The following PTPRT variants were observed in gnomAD, a reference collection of about 807,000 sequenced individuals.
PTPRT encodes the protein protein tyrosine phosphatase receptor type T, also known as receptor-type tyrosine-protein phosphatase T.
A neutral mutation model predicts 176.8 loss-of-function variants in PTPRT; 56 were observed. The ratio of observed to expected loss-of-function variants is 0.32; its 90% CI spans 0.26 to 0.40. The LOEUF is 0.40. Among genes scored for constraint, PTPRT ranks in the 10% least tolerant of loss-of-function variants. PTPRT has a pLI of 1.00. For synonymous variants in PTPRT, 783 were observed against 739.0 expected, an observed-to-expected ratio of 1.06 and a Z score of -0.96; for missense variants, 1,540 against 1,908.2, an observed-to-expected ratio of 0.81 and a Z score of 3.60.
At chr20:42,110,611 G>T in intron 22 of PTPRT, 124 bp from the exon 23 acceptor site, 1 of 980,030 alleles carries the variant, frequency 1.0e-6, no homozygotes, top group Non-Finnish European at 1.4e-6. Flanking sequence ...CACAGTGTTT[G>T]TTAATAGGTG....
rs372214634 is a variant in PTPRT, at chr20:43,184,213, C to T, written c.88+5433G>A. 1.6e-4 allele frequency among the ~76,000 whole-genome samples: 25 copies of T among 152,328 alleles called. No homozygotes were observed. In the South Asian group the frequency reaches 2.7e-3, roughly 16 times the overall value. On this transcript the variant is annotated intron_variant, in intron 1 of 30. Coordinates refer to ENST00000373187, the MANE Select transcript of PTPRT (RefSeq NM_007050.6). The stretch of plus-strand genomic sequence containing the variant: ...CCAGGGGACGTGTTTGTGTGTCACA[C>T]GCACTTTAGCAGCCTGGCTTCAGTG...
the PTPRT span, among the ~76,000 whole-genome samples, chr20:42,035,531 A>G: frequency 1.3e-5 from 2 of 152,060 alleles, no homozygotes; most frequent in Non-Finnish European, 2.9e-5. Flanking sequence ...GAGCATCCCA[A>G]CAGCCCAGCT....
At position 42,075,425 on chromosome 20, in the gene PTPRT, G is replaced by A. The variant is rs1982677145; in HGVS notation, c.*5454C>T. The stretch of plus-strand genomic sequence containing the variant: ...TGACATGACTTAGGAACAGCGTCCT[G>A]TTCATGCTTCCTCTTGGGCTCACCC... On this transcript the variant is annotated 3_prime_UTR_variant, in exon 31 of 31. Transcript: ENST00000373187. The A allele has an allele frequency of 4.4e-6, 1 of 227,132 alleles. No individual in the cohort carries two copies. Among genetic ancestry groups the A allele is most frequent in the Non-Finnish European group, 8.8e-6 (1 of 114,272 alleles). The allele number at this position is 227,132 out of a possible 1,614,324, so 14.1% of individuals were successfully genotyped here. A position where few individuals can be genotyped will look rare whatever the true frequency, so the allele number is the denominator to read the frequency against.
chr20:42,220,997 G>A (rs2055873709), intron 15 of PTPRT, among the ~76,000 whole-genome samples: 1 of 151,950 alleles, frequency 6.6e-6, no homozygotes, highest in Non-Finnish European at 1.5e-5. Context: ...GAGTTTTTTT[G>A]TTTTCTGTTT....
intron 15 of PTPRT, among the ~76,000 whole-genome samples, chr20:42,221,310 T>C (rs989830644): frequency 3.9e-5 from 6 of 151,980 alleles, no homozygotes; most frequent in African/African-American, 1.5e-4. Flanking sequence ...GGCTAGTTGG[T>C]AGAATTTTTT....
At chr20:42,411,858 AT>A (rs1182033209) in intron 9 of PTPRT, among the ~76,000 whole-genome samples, 6 of 147,936 alleles carry the variant, frequency 4.1e-5, no homozygotes, top group East Asian at 2.0e-4. Flanking sequence ...AAAAAAAAAA[AT>A]AGTATCAGAG....
At chr20:42,637,400 C>G (rs2074628045) in intron 7 of PTPRT, among the ~76,000 whole-genome samples, 1 of 152,144 alleles carries the variant, frequency 6.6e-6, no homozygotes, top group Non-Finnish European at 1.5e-5. Flanking sequence ...ACTCAAGGCT[C>G]ATTGTCCTCC....
chr20:42,293,164 C>T (rs577569286), intron 12 of PTPRT, among the ~76,000 whole-genome samples: 13 of 152,308 alleles, frequency 8.5e-5, no homozygotes, highest in South Asian at 6.2e-4. Context: ...GCAAGCCATT[C>T]GGAAAATTTA....
Position 42,601,106 on chromosome 20 carries a change from C to A in PTPRT, c.1153+76760G>T, listed in dbSNP as rs118035656. On this transcript the variant is annotated intron_variant, in intron 7 of 30. Coordinates refer to ENST00000373187, the MANE Select transcript of PTPRT (RefSeq NM_007050.6). ...ATGCTCAGCTCCATCCCCACATCTA[C>A]CATGTTATGTACTAGTGAGTGGTAG... Among the ~76,000 whole-genome samples the A allele has an allele frequency of 2.2e-3, 341 of 152,280 alleles. 7 individuals are homozygous for A. The highest frequency in any genetic ancestry group is 0.018 in the East Asian group (95 of 5,178).
intron 6 of PTPRT, among the ~76,000 whole-genome samples, chr20:42,731,668 T>A (rs2076462828): frequency 6.6e-6 from 1 of 152,172 alleles, no homozygotes; most frequent in African/African-American, 2.4e-5. Context: ...TGTGCTCTGC[T>A]CTTTGACTGG....
intron 16 of PTPRT, among the ~76,000 whole-genome samples, chr20:42,171,146 T>C (rs565937647): frequency 3.7e-4 from 56 of 152,272 alleles, no homozygotes; most frequent in African/African-American, 1.3e-3. Context: ...CCCTGACACA[T>C]AAAGAATAAG....
chr20:42,184,532 TTCCTCTTCC>T (rs775363559), intron 16 of PTPRT, among the ~76,000 whole-genome samples: 2,976 of 96,706 alleles, frequency 0.031, 132 homozygotes, highest in African/African-American at 0.036. Flanking sequence ...CTTCTTCTTC[TTCCTCTTCC>T]TCTTCTTCTT....
At chr20:42,201,551 T>C (rs1056422508) in intron 15 of PTPRT, among the ~76,000 whole-genome samples, 1 of 151,918 alleles carries the variant, frequency 6.6e-6, no homozygotes, top group Non-Finnish European at 1.5e-5. Context: ...CATAATATAC[T>C]AGTGCCTCAG....
intron 9 of PTPRT, among the ~76,000 whole-genome samples, chr20:42,372,920 A>G (rs891907745): frequency 6.6e-6 from 1 of 152,202 alleles, no homozygotes; most frequent in African/African-American, 2.4e-5. Context: ...TCTGTTCTTT[A>G]TAAGTTATCC....
At chr20:43,000,233 T>C (rs1984485970) in intron 1 of PTPRT, among the ~76,000 whole-genome samples, 1 of 152,090 alleles carries the variant, frequency 6.6e-6, no homozygotes, top group African/African-American at 2.4e-5. Context: ...TATTTCTGGC[T>C]CTATAGGAGA....
At chr20:42,381,288 T>C (rs1394224702) in intron 9 of PTPRT, among the ~76,000 whole-genome samples, 1 of 152,170 alleles carries the variant, frequency 6.6e-6, no homozygotes, top group Admixed American at 6.5e-5. Flanking sequence ...CCAGATGACT[T>C]GTATTGGACA....
In PTPRT at chr20:42,098,218, G is replaced by A. The variant is rs1366181930; in HGVS notation, c.3846+203C>T. Among the ~76,000 whole-genome samples, 12 of 150,838 alleles carry A rather than the reference G, an allele frequency of 8.0e-5. No homozygotes were observed. In the East Asian group the frequency reaches 2.4e-3, roughly 30 times the overall value. ...GTTGGACAAAGCCCATAGGCAGGGG[G>A]AGTCTTTGCTGGAGGTCTGGGGGGT... On this transcript the variant is annotated intron_variant, in intron 27 of 30. Coordinates refer to ENST00000373187, the MANE Select transcript of PTPRT (RefSeq NM_007050.6).
chr20:42,789,345 T>G (rs2077339755), intron 3 of PTPRT, among the ~76,000 whole-genome samples: 1 of 152,222 alleles, frequency 6.6e-6, no homozygotes, highest in South Asian at 2.1e-4. Flanking sequence ...TAAACGTTTA[T>G]AAATGACATG....
chr20:43,141,319 G>A lies in PTPRT; in HGVS notation c.88+48327C>T, dbSNP rs577558664. Among the ~76,000 whole-genome samples, 196 of 152,300 alleles carry A rather than the reference G, an allele frequency of 1.3e-3. 2 individuals carry two copies. The highest frequency in any genetic ancestry group is 6.8e-3 in the Middle Eastern group (2 of 294). On this transcript the variant is annotated intron_variant, in intron 1 of 30. Transcript: ENST00000373187. ...GGGCAGCTCTTCTGCTGGTCGTGGCGAGGCTCAGTTATGCATCTGTGATCA... is the reference window on the plus strand; with the variant it reads ...GGGCAGCTCTTCTGCTGGTCGTGGCAAGGCTCAGTTATGCATCTGTGATCA...
Sources: gnomAD v4.1 joint callset for allele counts (sites outside exome capture counted in the v4.1 genomes callset) on GRCh38, gnomAD v4.1.1 for gene constraint, MANE v1.5 for transcripts, NCBI Gene and HGNC (gene_info 2026-07-23, HGNC 2026-07-21) for gene names.